The following EMID1 variants were observed in gnomAD, a reference collection of about 807,000 sequenced individuals.
EMID1 encodes EMI domain containing 1, also known as EMI domain-containing protein 1.
A neutral mutation model predicts 60.6 loss-of-function variants in EMID1; 40 were observed. The ratio of observed to expected loss-of-function variants is 0.66; its 90% CI spans 0.51 to 0.86. The LOEUF is 0.86. Among genes scored for constraint, EMID1 ranks in the 40% least tolerant of loss-of-function variants. The pLI, the probability that EMID1 is intolerant of heterozygous loss-of-function variation, is 0.00. For synonymous variants in EMID1, 242 were observed against 231.0 expected (o/e 1.05, Z -0.43); for missense variants, 585 against 597.1 (o/e 0.98, Z 0.21).
At chr22:29,216,217 T>C in intron 3 of EMID1, 2 of 763,492 alleles carry the variant, frequency 2.6e-6, no homozygotes, top group Non-Finnish European at 3.2e-6. Flanking sequence ...TGTGTACCTC[T>C]GGGTGGCTCA....
At chr22:29,220,070 A>G (rs2040235465) in intron 3 of EMID1, among the ~76,000 whole-genome samples, 1 of 151,544 alleles carries the variant, frequency 6.6e-6, no homozygotes, top group Non-Finnish European at 1.5e-5. Flanking sequence ...CCCAGCCAAC[A>G]TGGCTGCCTC....
chr22:29,208,651 G>A (rs927011925), intron 1 of EMID1, among the ~76,000 whole-genome samples: 1 of 152,212 alleles, frequency 6.6e-6, no homozygotes, highest in Non-Finnish European at 1.5e-5. Flanking sequence ...ATGCCCACAG[G>A]GGTGACCTGG....
intron 6 of EMID1, 90 bp downstream of exon 6, chr22:29,231,230 TCCCAACTTAA>T: frequency 6.7e-7 from 1 of 1,495,048 alleles, no homozygotes; most frequent in Non-Finnish European, 8.9e-7. Context: ...TGTCGCTGAC[TCCCAACTTAA>T]CCCTCTAGTG....
At position 29,227,949 on chromosome 22, in the gene EMID1, A is replaced by G. The variant is rs201991664; in HGVS notation, c.465+1398A>G. On this transcript the variant is annotated intron_variant, in intron 5 of 14. Transcript: ENST00000334018. Reference sequence around the variant, plus strand: ...GGAGGGCGGATCACCTGAGGTCAAGAGTTCAAGACCAGCCTGACCAACTTG... The same window carrying G: ...GGAGGGCGGATCACCTGAGGTCAAGGGTTCAAGACCAGCCTGACCAACTTG... Among the ~76,000 whole-genome samples, 26 of 152,100 alleles carry G rather than the reference A, an allele frequency of 1.7e-4. No homozygotes were observed. The East Asian group carries it at 4.7e-3, about 27-fold the overall frequency.
At chr22:29,206,802 G>A (rs1023524539) in intron 1 of EMID1, among the ~76,000 whole-genome samples, 7 of 152,174 alleles carry the variant, frequency 4.6e-5, no homozygotes, top group African/African-American at 1.4e-4. Flanking sequence ...TTGAAGGACC[G>A]AATGAGGTAG....
chr22:29,238,342 G>A (rs897201481), intron 12 of EMID1, among the ~76,000 whole-genome samples: 2 of 137,974 alleles, frequency 1.4e-5, no homozygotes, highest in Non-Finnish European at 3.0e-5. Context: ...AAGCCTTGAG[G>A]CTTCTGGGCT....
chr22:29,225,042 A>G (rs1445331235), intron 3 of EMID1, 91 bp from the exon 4 acceptor site: 4 of 1,327,486 alleles, frequency 3.0e-6, no homozygotes, highest in Non-Finnish European at 4.3e-6. Context: ...TGAGGGCAGT[A>G]GGGGTCCCTG....
intron 13 of EMID1, among the ~76,000 whole-genome samples, chr22:29,245,647 T>G (rs1178770414): frequency 6.6e-6 from 1 of 152,202 alleles, no homozygotes; most frequent in East Asian, 1.9e-4. Context: ...AGGGCTCCTA[T>G]GTACACTTCA....
In EMID1 at chr22:29,232,346, G is replaced by C; in HGVS notation, c.767G>C (p.Gly256Ala). 6.2e-7 allele frequency: 1 copy of C among 1,605,842 alleles called. No homozygotes were observed. Among genetic ancestry groups the C allele is most frequent in the Non-Finnish European group, 8.5e-7 (1 of 1,176,854 alleles). ...CCTCCTGGGCCACCAGGGCCTCCTG[G>C]CCCCCCTGGGCCCCCAGCCCCTGTT... ...RGPPGPPGPPGPPGPPAPVGP... is the reference protein window; with the variant it reads ...RGPPGPPGPPAPPGPPAPVGP... Residue 256 changes from glycine to alanine, a missense_variant, in exon 8 of 15, where the codon GGC becomes GCC. Gly to Ala is a moderately conservative substitution (Grantham distance 60). Transcript: ENST00000334018.
intron 13 of EMID1, among the ~76,000 whole-genome samples, chr22:29,249,650 T>C (rs1223705587): frequency 6.6e-6 from 1 of 151,406 alleles, no homozygotes; most frequent in Non-Finnish European, 1.5e-5. Context: ...GTTTCACTCT[T>C]GTTGCCCAGG....
chr22:29,243,040 C>A (rs191185018), intron 12 of EMID1, among the ~76,000 whole-genome samples: 9 of 152,338 alleles, frequency 5.9e-5, no homozygotes, highest in Non-Finnish European at 1.3e-4. Context: ...AGTTCCCCCA[C>A]TTGTAGCTCC....
At chr22:29,231,856 CT>C in intron 7 of EMID1, 174 bp downstream of exon 7, 1 of 612,500 alleles carries the variant, frequency 1.6e-6, no homozygotes, top group Non-Finnish European at 2.7e-6. Context: ...GAAGTCCTCT[CT>C]TATGTTCACT....
chr22:29,211,852 C>T (rs1016082845), intron 1 of EMID1, among the ~76,000 whole-genome samples: 4 of 152,254 alleles, frequency 2.6e-5, no homozygotes, highest in African/African-American at 9.6e-5. Context: ...CTCCAAGGAG[C>T]CTCTGAACCC....
intron 1 of EMID1, among the ~76,000 whole-genome samples, chr22:29,208,544 C>A (rs996272063): frequency 1.3e-5 from 2 of 152,202 alleles, no homozygotes; most frequent in Admixed American, 6.5e-5. Context: ...GCAGCACCGG[C>A]TTCCTTCCGG....
intron 2 of EMID1, 55 bp downstream of exon 2, chr22:29,215,094 C>A: frequency 1.3e-6 from 2 of 1,486,802 alleles, no homozygotes; most frequent in South Asian, 1.3e-5. Flanking sequence ...ACAGTTTGGG[C>A]AAAGGCCTGG....
chr22:29,237,788 G>A lies in EMID1; in HGVS notation c.1074+3439G>A, dbSNP rs377367271. 2.4e-4 allele frequency among the ~76,000 whole-genome samples: 31 copies of A among 130,446 alleles called. 3 individuals carry two copies. The highest frequency in any genetic ancestry group is 1.4e-3 in the Admixed American group (18 of 12,856). 85.6% of individuals were successfully genotyped at this position (130,446 alleles called of 152,430 possible). ...TGCACTGCAGCCTGGGCAACAGAGC[G>A]AGACTCCGTTTCAAAAAAAACAAAC... On this transcript the variant is annotated intron_variant, in intron 12 of 14. Transcript: ENST00000334018.
intron 1 of EMID1, among the ~76,000 whole-genome samples, chr22:29,210,314 C>T (rs1345678455): frequency 3.4e-5 from 5 of 148,374 alleles, no homozygotes; most frequent in South Asian, 2.1e-4. Flanking sequence ...AGTGCAATGG[C>T]GCGATCTTGG....
intron 5 of EMID1, among the ~76,000 whole-genome samples, chr22:29,229,376 G>GC (rs1443183638): frequency 6.6e-6 from 1 of 152,138 alleles, no homozygotes; most frequent in Admixed American, 6.5e-5. Context: ...GGGCGCGGTG[G>GC]CTCATGCCTG....
chr22:29,252,006 G>T (rs2041545600), intron 13 of EMID1, among the ~76,000 whole-genome samples: 1 of 152,084 alleles, frequency 6.6e-6, no homozygotes, highest in Non-Finnish European at 1.5e-5. Flanking sequence ...ATGGGGTCTT[G>T]CTATGTTGCC....
Sources: gnomAD v4.1 joint callset for allele counts (sites outside exome capture counted in the v4.1 genomes callset) on GRCh38, gnomAD v4.1.1 for gene constraint, MANE v1.5 for transcripts, NCBI Gene and HGNC (gene_info 2026-07-23, HGNC 2026-07-21) for gene names.